The following SETD7 variants were observed in gnomAD, a reference collection of about 807,000 sequenced individuals.
SETD7 encodes the protein histone-lysine N-methyltransferase SETD7.
A neutral mutation model predicts 41.8 loss-of-function variants in SETD7; 16 were observed. The ratio of observed to expected loss-of-function variants is 0.38; its 90% CI spans 0.26 to 0.58. SETD7 has a LOEUF of 0.58. SETD7 is among the 20% of genes least tolerant of loss of function. The pLI is 0.64. For missense variants in SETD7, 346 were observed against 459.7 expected (o/e 0.75, Z 2.26); for synonymous variants, 163 against 169.7 (o/e 0.96, Z 0.31).
rs1728215567 is a variant in SETD7 at position 139,555,008 on chromosome 4, C to T, written c.40+1090G>A. Among the ~76,000 whole-genome samples the T allele has an allele frequency of 6.6e-6, 1 of 152,106 alleles. No individual in the cohort carries two copies. Among genetic ancestry groups the T allele is most frequent in the African/African-American group, 2.4e-5 (1 of 41,402 alleles). On this transcript the variant is annotated intron_variant, in intron 1 of 7. Transcript: ENST00000274031. The surrounding 1 kb of genome is among the most constrained non-coding windows in gnomAD (Gnocchi z 4.0). ...ATTTACTCACATGCTTAGTTTAAAA[C>T]ATTCTGGTATCATACCACACCACAC...
chr4:139,511,939 C>G (rs956406891), intron 7 of SETD7, 96 bp from the exon 8 acceptor site: 1 of 1,497,912 alleles, frequency 6.7e-7, no homozygotes, highest in African/African-American at 1.4e-5. Flanking sequence ...CCCCCAGGCA[C>G]TCTTCCCTGG....
At position 139,508,243 on chromosome 4, in the gene SETD7, T is replaced by C. The variant is rs1174425405; in HGVS notation, c.*3420A>G. The stretch of plus-strand genomic sequence containing the variant: ...GTTTTTCGAGTGTGAAGAACCCCCA[T>C]AGGGCAAATAGGTTTAACTACAGTC... On this transcript the variant is annotated 3_prime_UTR_variant, in exon 8 of 8. Transcript: ENST00000274031. 2.0e-5 allele frequency: 3 copies of C among 152,176 alleles called. No individual in the cohort carries two copies. The highest frequency in any genetic ancestry group is 4.4e-5 in the Non-Finnish European group (3 of 68,036). The allele number at this position is 152,176 out of a possible 1,614,324, so 9.4% of individuals were successfully genotyped here.
At chr4:139,552,454 C>T (rs1728137057) in intron 1 of SETD7, among the ~76,000 whole-genome samples, 2 of 152,146 alleles carry the variant, frequency 1.3e-5, no homozygotes, top group South Asian at 2.1e-4. Flanking sequence ...TTCAAGGTAC[C>T]TCATCTGCTG....
In SETD7 at chr4:139,506,225, T is replaced by C. The variant is rs867027937; in HGVS notation, c.*5438A>G. 1.3e-5 allele frequency: 2 copies of C among 152,668 alleles called. No individual in the cohort carries two copies. Among genetic ancestry groups the C allele is most frequent in the African/African-American group, 4.8e-5 (2 of 41,468 alleles). 9.5% of individuals were successfully genotyped at this position (152,668 alleles called of 1,614,324 possible). A position where few individuals can be genotyped will look rare whatever the true frequency, so the allele number is the denominator to read the frequency against. ...ACACAGTAAGGGCAAACATTATTCA[T>C]GTAAACATCTTTCATTAATTTCCCA... On this transcript the variant is annotated 3_prime_UTR_variant, in exon 8 of 8. Transcript: ENST00000274031.
intron 2 of SETD7, among the ~76,000 whole-genome samples, chr4:139,544,192 T>C (rs553894273): frequency 1.3e-5 from 2 of 151,702 alleles, no homozygotes; most frequent in South Asian, 4.2e-4. Context: ...CTCAGGAAGC[T>C]GAGGTGGGAG....
chr4:139,493,329 A>C (rs1231121260), downstream of SETD7, among the ~76,000 whole-genome samples: 1 of 152,182 alleles, frequency 6.6e-6, no homozygotes, highest in African/African-American at 2.4e-5. Context: ...CAGAGTAATC[A>C]GCAGGTATAA....
At chr4:139,534,697 T>C (rs1727588230) in intron 2 of SETD7, among the ~76,000 whole-genome samples, 1 of 152,144 alleles carries the variant, frequency 6.6e-6, no homozygotes, top group South Asian at 2.1e-4. Flanking sequence ...GTAGCAAGCA[T>C]TGTGTGAGGC....
At chr4:139,517,831 C>G (rs960439220) in intron 7 of SETD7, 54 bp downstream of exon 7, 2 of 1,540,734 alleles carry the variant, frequency 1.3e-6, no homozygotes. Flanking sequence ...TGCCCTCCTC[C>G]GTCTCAGGGC....
chr4:139,523,095 C>A (rs189023463), intron 5 of SETD7, among the ~76,000 whole-genome samples: 1 of 152,262 alleles, frequency 6.6e-6, no homozygotes, highest in Admixed American at 6.5e-5. Context: ...CTAGGACAGA[C>A]ACACAAGCTG....
Position 139,526,436 on chromosome 4 carries a change from ATTT to A in SETD7, c.562+2592_562+2594del, listed in dbSNP as rs11353890. ...AGACACATGCCACTATGCCCAGCTAATTTTTTTTTTTTTTTTTTGTATTTTTTA... is the reference window on the plus strand; with the variant it reads ...AGACACATGCCACTATGCCCAGCTAATTTTTTTTTTTTTTTGTATTTTTTA... On this transcript the variant is annotated intron_variant, in intron 4 of 7. Coordinates refer to ENST00000274031, the MANE Select transcript of SETD7 (RefSeq NM_030648.4). Among the ~76,000 whole-genome samples, 301 of 122,594 alleles carry A rather than the reference ATTT, an allele frequency of 2.5e-3. 2 individuals are homozygous for A. In the Middle Eastern group the frequency reaches 0.028, roughly 12 times the overall value. The allele number at this position is 122,594 out of a possible 152,430, so 80.4% of individuals were successfully genotyped here.
rs1190615746 is a variant in SETD7 at position 139,533,245 on chromosome 4, A to T, written c.292T>A (p.Tyr98Asn). ...AAGATCAGTCTCCCATCTGTGTCAT[A>T]TTCCTGGGCTGGACCGTTCAGCTCT... ...DGELNGPAQE[Y>N]DTDGRLIFKG... is the part of the protein sequence containing the mutation. The change falls in exon 3 of 8, where the codon TAT (tyrosine) becomes AAT (asparagine). Residue 98 changes from tyrosine to asparagine, a missense_variant. By Grantham distance (143) the Tyr-to-Asn change is moderately radical. This residue lies in a region of SETD7 where 266 missense variants were observed against 377.0 expected (regional missense o/e 0.71). Coordinates refer to ENST00000274031, the MANE Select transcript of SETD7 (RefSeq NM_030648.4). 1 of 1,614,152 alleles carries T rather than the reference A, an allele frequency of 6.2e-7. No homozygotes were observed. Among genetic ancestry groups the T allele is most frequent in the Admixed American group, 1.7e-5 (1 of 60,014 alleles).
chr4:139,509,946 G>T lies in SETD7; in HGVS notation c.*1717C>A. 5.2e-6 allele frequency: 5 copies of T among 954,764 alleles called. No individual in the cohort carries two copies. Among genetic ancestry groups the T allele is most frequent in the Non-Finnish European group, 6.2e-6 (5 of 802,054 alleles). 59.1% of individuals were successfully genotyped at this position (954,764 alleles called of 1,614,324 possible). ...ACCTAGCTGCAAAGCATGCAACCGG[G>T]TGCTCTAGGAAGCCTGGTGTTGCAA... is the stretch of plus-strand genomic sequence containing the variant. On this transcript the variant is annotated 3_prime_UTR_variant, in exon 8 of 8. Transcript: ENST00000274031.
At chr4:139,538,073 G>T (rs1727685885) in intron 2 of SETD7, among the ~76,000 whole-genome samples, 1 of 151,892 alleles carries the variant, frequency 6.6e-6, no homozygotes, top group Admixed American at 6.6e-5. Context: ...CATCATCAAA[G>T]AAACAGTTAT....
At chr4:139,503,819 A>G (rs1726640963), downstream of SETD7, among the ~76,000 whole-genome samples, 1 of 152,244 alleles carries the variant, frequency 6.6e-6, no homozygotes, top group Non-Finnish European at 1.5e-5. Context: ...AAACTGGTTC[A>G]GGCCACACAG....
chr4:139,554,070 G>A (rs1176722154), intron 1 of SETD7, among the ~76,000 whole-genome samples: 2 of 152,158 alleles, frequency 1.3e-5, no homozygotes, highest in Non-Finnish European at 2.9e-5. Flanking sequence ...TAATTGTTTA[G>A]TTAGCTACAA....
rs572904179 is a variant in SETD7 at position 139,511,561 on chromosome 4, A to C, written c.*102T>G. ...TGCTAACGCATGGTGAGAGGATGTG[A>C]CGTCACAGCATGAGCAGTCCCTGGT... On this transcript the variant is annotated 3_prime_UTR_variant, in exon 8 of 8. Transcript: ENST00000274031. 1 of 1,580,016 alleles carries C rather than the reference A, an allele frequency of 6.3e-7. No individual in the cohort carries two copies. Among genetic ancestry groups the C allele is most frequent in the Admixed American group, 2.0e-5 (1 of 49,604 alleles).
exon 8 of SETD7, chr4:139,496,265 T>A (rs562955884): frequency 2.7e-4 from 157 of 588,770 alleles, no homozygotes; most frequent in Middle Eastern, 6.6e-4. Context: ...GCTCCCAGAG[T>A]GCGATTTTGA....
At chr4:139,500,452 A>T (rs1383239472) in intron 7 of SETD7, among the ~76,000 whole-genome samples, 5 of 152,242 alleles carry the variant, frequency 3.3e-5, no homozygotes, top group Non-Finnish European at 7.3e-5. Flanking sequence ...TTACAATTTC[A>T]AAAGCATTTT....
intron 7 of SETD7, among the ~76,000 whole-genome samples, chr4:139,498,587 C>T (rs1726510281): frequency 6.6e-6 from 1 of 152,156 alleles, no homozygotes; most frequent in South Asian, 2.1e-4. Context: ...CTGTGAATAA[C>T]AAACTATTGT....
Sources: allele counts gnomAD v4.1 joint callset (sites outside exome capture counted in the v4.1 genomes callset), GRCh38; gene constraint gnomAD v4.1.1; regional missense constraint gnomAD v4.1.1; non-coding constraint Gnocchi (gnomAD v3.1); transcripts MANE v1.5; gene names NCBI Gene and HGNC (gene_info 2026-07-23, HGNC 2026-07-21).